Variants in CIBAR1 observed in about 807,000 individuals in gnomAD.
CIBAR1 encodes the protein CBY1 interacting BAR domain containing 1.
Under a neutral mutation model 44.0 loss-of-function variants are expected in CIBAR1, and 25 were observed. The ratio of observed to expected loss-of-function variants is 0.57; its 90% CI spans 0.41 to 0.79. CIBAR1 has a LOEUF of 0.79. Ranked by LOEUF, CIBAR1 falls within the 30% of genes least tolerant of loss-of-function variation. The probability of loss-of-function intolerance (pLI) is 0.00; values close to 1 mark genes in which losing one functional copy is unlikely to be tolerated. For synonymous variants in CIBAR1, 115 were observed against 119.0 expected (o/e 0.97, Z 0.22); for missense variants, 278 against 344.8 (o/e 0.81, Z 1.53).
At chr8:93,726,706 A>G (rs1156416879) in intron 8 of CIBAR1, 193 bp downstream of exon 8, 3 of 602,986 alleles carry the variant, frequency 5.0e-6, no homozygotes, top group South Asian at 1.8e-5. Flanking sequence ...TTTATACTGT[A>G]ATTACATATT....
intron 2 of CIBAR1, chr8:93,702,241 C>T (rs1481752380): frequency 2.3e-6 from 1 of 430,080 alleles, no homozygotes; most frequent in Non-Finnish European, 4.7e-6. Flanking sequence ...GCTATCCATA[C>T]AAATTTGAAG....
intron 8 of CIBAR1, chr8:93,727,110 A>C: frequency 4.3e-6 from 4 of 922,378 alleles, no homozygotes; most frequent in Non-Finnish European, 6.1e-6. Flanking sequence ...TGTTCTAATA[A>C]AATTCTATTT....
intron 6 of CIBAR1, among the ~76,000 whole-genome samples, chr8:93,712,119 C>G (rs1810848800): frequency 6.6e-6 from 1 of 152,210 alleles, no homozygotes; most frequent in Non-Finnish European, 1.5e-5. Flanking sequence ...GGCTATAATT[C>G]ACTGTGCAAC....
chr8:93,728,160 TTAAG>T (rs753801112), intron 8 of CIBAR1, 41 bp from the exon 9 acceptor site: 18 of 1,270,128 alleles, frequency 1.4e-5, no homozygotes, highest in Non-Finnish European at 1.7e-5. Flanking sequence ...TAAAATTTTT[TTAAG>T]TTAGTATTTT....
intron 7 of CIBAR1, among the ~76,000 whole-genome samples, chr8:93,724,228 CAAT>C (rs951859965): frequency 1.3e-5 from 2 of 152,124 alleles, no homozygotes; most frequent in African/African-American, 4.8e-5. Flanking sequence ...CTAAAGAGAG[CAAT>C]AACATATTTT....
intron 6 of CIBAR1, among the ~76,000 whole-genome samples, chr8:93,714,081 C>A (rs1017816773): frequency 6.6e-6 from 1 of 152,162 alleles, no homozygotes; most frequent in Non-Finnish European, 1.5e-5. Flanking sequence ...AAGAGTAATT[C>A]TTCCAGTCCA....
rs1158409693 is a variant in CIBAR1, at chr8:93,728,900, T to C, written c.*603T>C. On this transcript the variant is annotated 3_prime_UTR_variant, in exon 9 of 9. Coordinates refer to ENST00000518322, the MANE Select transcript of CIBAR1 (RefSeq NM_145269.5). ...AAAAAAGCTACATTCAATCTGACTC[T>C]GGTTTTAAAACAAAACTGCTGTCAT... 2.0e-5 allele frequency: 3 copies of C among 152,248 alleles called. No homozygotes were observed. Among genetic ancestry groups the C allele is most frequent in the African/African-American group, 7.2e-5 (3 of 41,582 alleles). 9.4% of individuals were successfully genotyped at this position (152,248 alleles called of 1,614,324 possible). A position where few individuals can be genotyped will look rare whatever the true frequency, so the allele number is the denominator to read the frequency against.
chr8:93,711,394 A>G (rs1810818497), intron 6 of CIBAR1, among the ~76,000 whole-genome samples: 2 of 152,162 alleles, frequency 1.3e-5, no homozygotes, highest in African/African-American at 4.8e-5. Context: ...ATTCATTTAC[A>G]TCTTTTATTT....
chr8:93,728,522 C>CTT lies in CIBAR1; in HGVS notation c.*233_*234dup. The stretch of plus-strand genomic sequence containing the variant: ...TGTTACATGATTTTTGTGTAAGTGC[C>CTT]TTTTTTTTTAAAGATGGTGTATTTC... On this transcript the variant is annotated 3_prime_UTR_variant, in exon 9 of 9. Coordinates refer to ENST00000518322, the MANE Select transcript of CIBAR1 (RefSeq NM_145269.5). The CTT allele has an allele frequency of 5.6e-6, 2 of 354,000 alleles. No homozygotes were observed. Among genetic ancestry groups the CTT allele is most frequent in the Non-Finnish European group, 1.0e-5 (2 of 196,698 alleles). 21.9% of individuals were successfully genotyped at this position (354,000 alleles called of 1,614,324 possible). A position where few individuals can be genotyped will look rare whatever the true frequency, so the allele number is the denominator to read the frequency against.
chr8:93,714,588 T>C (rs1810967375), intron 6 of CIBAR1, among the ~76,000 whole-genome samples: 1 of 152,062 alleles, frequency 6.6e-6, no homozygotes, highest in Non-Finnish European at 1.5e-5. Flanking sequence ...AAGAGGGATG[T>C]AGAAATCTCA....
chr8:93,722,783 C>T (rs1811317841), intron 7 of CIBAR1, among the ~76,000 whole-genome samples: 1 of 152,044 alleles, frequency 6.6e-6, no homozygotes, highest in Non-Finnish European at 1.5e-5. Context: ...TAGAAGAGAT[C>T]TTGGACCATG....
intron 5 of CIBAR1, 166 bp from the exon 6 acceptor site, chr8:93,709,605 G>A (rs1466708073): frequency 3.3e-6 from 2 of 606,446 alleles, no homozygotes; most frequent in Non-Finnish European, 6.0e-6. Flanking sequence ...TATTCTGCAT[G>A]TGCTTACATA....
At chr8:93,718,891 TCTCA>T (rs1811136523) in intron 7 of CIBAR1, 103 bp downstream of exon 7, 1 of 659,314 alleles carries the variant, frequency 1.5e-6, no homozygotes, top group Non-Finnish European at 2.4e-6. Context: ...TGAGACAGAG[TCTCA>T]CTCTGTTGCC....
At position 93,703,632 on chromosome 8, in the gene CIBAR1, G is replaced by A. The variant is rs768611794; in HGVS notation, c.274G>A (p.Glu92Lys). Residue 92 changes from glutamate to lysine, a missense_variant, in exon 3 of 9, where the codon GAA becomes AAA. Physicochemically the swap from Glu to Lys is moderately conservative, Grantham distance 56. Around this residue, in one of 3 missense-constraint regions of CIBAR1, gnomAD observed 183 missense variants for 218.6 expected, o/e 0.84. Coordinates refer to ENST00000518322, the MANE Select transcript of CIBAR1 (RefSeq NM_145269.5). ...DYRQAEVERL[E>K]AKVVEPLKTY... ...TAATTTTCAATAGGTTGAAAGACTT[G>A]AAGCCAAAGTAGTTGAACCCTTGAA... 9.1e-6 allele frequency: 14 copies of A among 1,545,756 alleles called. 1 individual carries two copies. The South Asian group carries it at 1.7e-4, about 19-fold the overall frequency.
At chr8:93,722,464 C>T (rs527755719) in intron 7 of CIBAR1, among the ~76,000 whole-genome samples, 3 of 152,122 alleles carry the variant, frequency 2.0e-5, no homozygotes, top group Non-Finnish European at 2.9e-5. Context: ...TTTGGGAGGC[C>T]GAGGCAGGCG....
At chr8:93,716,591 A>T (rs1230852352) in intron 6 of CIBAR1, among the ~76,000 whole-genome samples, 1 of 152,116 alleles carries the variant, frequency 6.6e-6, no homozygotes, top group African/African-American at 2.4e-5. Flanking sequence ...TTAAAGAGAA[A>T]GTATGTTGCA....
chr8:93,724,746 C>T (rs988461054), intron 7 of CIBAR1, among the ~76,000 whole-genome samples: 1 of 152,190 alleles, frequency 6.6e-6, no homozygotes, highest in African/African-American at 2.4e-5. Context: ...TTTAAAAATT[C>T]AGCTCCTCGG....
intron 8 of CIBAR1, 30 bp downstream of exon 8, chr8:93,726,543 T>A (rs369686288): frequency 2.8e-5 from 45 of 1,610,106 alleles, no homozygotes; most frequent in Admixed American, 5.0e-5. Context: ...CTAAAGGAAT[T>A]TGAGCTGCTG....
chr8:93,725,736 G>GT (rs1306415730), intron 7 of CIBAR1: 1 of 152,082 alleles, frequency 6.6e-6, no homozygotes, highest in Admixed American at 6.6e-5. Flanking sequence ...AATCAGAATG[G>GT]TATTTTTAAA....
Sources: gnomAD v4.1 joint callset for allele counts (sites outside exome capture counted in the v4.1 genomes callset) on GRCh38, gnomAD v4.1.1 for gene constraint, gnomAD v4.1.1 regional missense constraint, MANE v1.5 for transcripts, NCBI Gene and HGNC (gene_info 2026-07-23, HGNC 2026-07-21) for gene names.